DBF4B: variants seen among roughly 807,000 people sequenced by gnomAD.
DBF4B encodes the protein DBF4B-CDC7 kinase regulatory subunit.
DBF4B carries 49 observed loss-of-function variants against 53.4 expected under a neutral mutation model. The observed-to-expected ratio is 0.92, with a 90% CI of 0.73 to 1.16. The LOEUF (loss-of-function observed/expected upper bound fraction) is 1.16. DBF4B is among the 50% of genes most tolerant of loss of function. The probability of loss-of-function intolerance (pLI) is 0.00; values close to 1 mark genes in which losing one functional copy is unlikely to be tolerated. For synonymous variants in DBF4B, 257 were observed against 288.7 expected (o/e 0.89, Z 1.11); for missense variants, 692 against 775.0 (o/e 0.89, Z 1.27).
intron 2 of DBF4B, among the ~76,000 whole-genome samples, chr17:44,717,764 C>T (rs1290338808): frequency 6.6e-6 from 1 of 151,376 alleles, no homozygotes; most frequent in Admixed American, 6.6e-5. Context: ...CTTGTAATCC[C>T]AGCACTTTGG....
chr17:44,725,547 C>A (rs1192825455), intron 3 of DBF4B, among the ~76,000 whole-genome samples: 1 of 151,934 alleles, frequency 6.6e-6, no homozygotes, highest in Non-Finnish European at 1.5e-5. Flanking sequence ...ATTTTCATCA[C>A]CCCAAAAAGG....
At chr17:44,731,979 A>C (rs1010524376) in intron 5 of DBF4B, 199 bp from the exon 6 acceptor site, 1 of 569,214 alleles carries the variant, frequency 1.8e-6, no homozygotes, top group African/African-American at 1.9e-5. Flanking sequence ...TCCTCTCCCA[A>C]TGTGGCCATG....
intron 8 of DBF4B, among the ~76,000 whole-genome samples, chr17:44,737,135 G>A (rs1308146978): frequency 1.3e-5 from 2 of 152,174 alleles, no homozygotes; most frequent in Non-Finnish European, 2.9e-5. Context: ...TCCTCTGGCT[G>A]TTCCTGGGCA....
intron 7 of DBF4B, among the ~76,000 whole-genome samples, chr17:44,735,018 CT>C (rs1398363158): frequency 6.6e-6 from 1 of 151,998 alleles, no homozygotes; most frequent in Non-Finnish European, 1.5e-5. Context: ...GCAGGAGAAT[CT>C]TGAACCCAGG....
Position 44,741,423 on chromosome 17 carries a change from G to A in DBF4B, c.801G>A (p.Pro267=), listed in dbSNP as rs143085789. 524 of 1,612,774 alleles carry A rather than the reference G, an allele frequency of 3.2e-4. No homozygotes were observed. The highest frequency in any genetic ancestry group is 1.3e-3 in the Middle Eastern group (8 of 6,056). Residue 267 remains proline, a synonymous_variant, in exon 10 of 14, where the codon CCG becomes CCA. Transcript: ENST00000315005. ...GPKDASPFEA[P]TTLGSMHHTR... ...AAGATGCAAGTCCCTTTGAGGCCCC[G>A]ACGACCCTGGGCAGCATGCACCATA...
At chr17:44,725,417 CTTAA>C (rs1974223168) in intron 3 of DBF4B, among the ~76,000 whole-genome samples, 1 of 152,116 alleles carries the variant, frequency 6.6e-6, no homozygotes, top group African/African-American at 2.4e-5. Flanking sequence ...CTCATAATGG[CTTAA>C]TTTAGATATA....
chr17:44,738,504 C>T, intron 9 of DBF4B, 80 bp downstream of exon 9: 2 of 1,446,168 alleles, frequency 1.4e-6, no homozygotes, highest in Admixed American at 2.0e-5. Flanking sequence ...TCAGGGGCCT[C>T]AAGCTAATGT....
chr17:44,728,772 G>A (rs149972833), intron 3 of DBF4B, among the ~76,000 whole-genome samples: 8 of 149,112 alleles, frequency 5.4e-5, no homozygotes, highest in Admixed American at 4.7e-4. Context: ...AGCTGAGATC[G>A]CATGACTGCA....
rs546060548 is a variant in DBF4B at position 44,733,988 on chromosome 17, G to A, written c.557-102G>A. 7.5e-5 allele frequency: 70 copies of A among 931,830 alleles called. 1 individual carries two copies. The South Asian group carries it at 8.5e-4, about 11-fold the overall frequency. The allele number at this position is 931,830 out of a possible 1,614,324, so 57.7% of individuals were successfully genotyped here. ...TGGCAGGCAAGGCTGGAGTGATTCAGTGGGCTGGCCCAGCGAGTTTAGTCC... is the reference window on the plus strand; with the variant it reads ...TGGCAGGCAAGGCTGGAGTGATTCAATGGGCTGGCCCAGCGAGTTTAGTCC... On this transcript the variant is annotated intron_variant, in intron 6 of 13. Coordinates refer to ENST00000315005, the MANE Select transcript of DBF4B (RefSeq NM_145663.3).
intron 9 of DBF4B, among the ~76,000 whole-genome samples, 177 bp from the exon 10 acceptor site, chr17:44,741,155 CAGGG>C (rs1272959829): frequency 6.6e-6 from 1 of 151,728 alleles, no homozygotes; most frequent in Non-Finnish European, 1.5e-5. Context: ...GAAAAGTAGA[CAGGG>C]AGAACATATG....
Position 44,749,216 on chromosome 17 carries a change from C to A in DBF4B, c.1189+751C>A. 1 of 1,290,302 alleles carries A rather than the reference C, an allele frequency of 7.8e-7. No homozygotes were observed. Among genetic ancestry groups the A allele is most frequent in the South Asian group, 1.2e-5 (1 of 81,556 alleles). The allele number at this position is 1,290,302 out of a possible 1,614,324, so 79.9% of individuals were successfully genotyped here. A position where few individuals can be genotyped will look rare whatever the true frequency, so the allele number is the denominator to read the frequency against. On this transcript the variant is annotated intron_variant, in intron 13 of 13. Coordinates refer to ENST00000315005, the MANE Select transcript of DBF4B (RefSeq NM_145663.3). The surrounding 1 kb of genome is among the most constrained non-coding windows in gnomAD (Gnocchi z 4.4). ...AGCTGTTCCCGATGCCTCTGGGCCC[C>A]CCAGCCTCTCCAGGTGCCCTGTCTC...
Position 44,708,849 on chromosome 17 carries a change from C to T in DBF4B, c.19+10C>T. 6.4e-7 allele frequency: 1 copy of T among 1,550,530 alleles called. No individual in the cohort carries two copies. The highest frequency in any genetic ancestry group is 8.7e-7 in the Non-Finnish European group (1 of 1,146,542). On this transcript the variant is annotated intron_variant, in intron 1 of 13. Transcript: ENST00000315005. ...AGCGAACCGGGAAAGGGTACGGATGCCGGGAAGGGGAGAAAGAAAGGCGGA... is the reference window on the plus strand; with the variant it reads ...AGCGAACCGGGAAAGGGTACGGATGTCGGGAAGGGGAGAAAGAAAGGCGGA...
intron 3 of DBF4B, among the ~76,000 whole-genome samples, chr17:44,725,116 C>CAAAAAAA (rs57821218): frequency 6.3e-5 from 3 of 47,572 alleles, no homozygotes; most frequent in East Asian, 5.7e-4. Flanking sequence ...GACTCCATCT[C>CAAAAAAA]AAAAAAAAAA....
chr17:44,712,826 C>T lies in DBF4B; in HGVS notation c.82+3460C>T, dbSNP rs148293395. On this transcript the variant is annotated intron_variant, in intron 2 of 13. Coordinates refer to ENST00000315005, the MANE Select transcript of DBF4B (RefSeq NM_145663.3). ...TTGGGCTCAAGTGATCTGCCCACCT[C>T]GGCCTCCCAAAGTGATGGAATTACA... 4.5e-3 allele frequency among the ~76,000 whole-genome samples: 681 copies of T among 151,864 alleles called. 3 individuals carry two copies. The highest frequency in any genetic ancestry group is 0.016 in the African/African-American group (646 of 41,408).
At position 44,739,188 on chromosome 17, in the gene DBF4B, G is replaced by C. The variant is rs552403900; in HGVS notation, c.713+764G>C. Among the ~76,000 whole-genome samples the C allele has an allele frequency of 4.6e-5, 7 of 152,282 alleles. No individual in the cohort carries two copies. The South Asian group carries it at 1.5e-3, about 32-fold the overall frequency. ...CTAATGAGCTATTAGCAGCCATGTT[G>C]GTTATCACTGAATCTTCAGTAAGTA... On this transcript the variant is annotated intron_variant, in intron 9 of 13. Transcript: ENST00000315005.
Position 44,751,703 on chromosome 17 carries a change from C to A in DBF4B, c.*450C>A, listed in dbSNP as rs933679634. On this transcript the variant is annotated 3_prime_UTR_variant, in exon 14 of 14. Coordinates refer to ENST00000315005, the MANE Select transcript of DBF4B (RefSeq NM_145663.3). ...TCCTGCGGTCTATACCTACCGCCTC[C>A]TCTTCACCTCCTTCCCTTCCACACT... is the stretch of plus-strand genomic sequence containing the variant. The A allele has an allele frequency of 7.0e-7, 1 of 1,432,500 alleles. No individual in the cohort carries two copies. The highest frequency in any genetic ancestry group is 9.1e-7 in the Non-Finnish European group (1 of 1,095,856). The allele number at this position is 1,432,500 out of a possible 1,614,324, so 88.7% of individuals were successfully genotyped here.
intron 12 of DBF4B, 138 bp from the exon 13 acceptor site, chr17:44,748,203 T>C: frequency 8.3e-7 from 1 of 1,202,976 alleles, no homozygotes; most frequent in Non-Finnish European, 1.2e-6. Context: ...CAGGAGGACT[T>C]TCACACAGGG....
Position 44,750,596 on chromosome 17 carries a change from G to T in DBF4B, c.1191G>T (p.Val397=). The part of the protein sequence containing the change: ...IRKEDSCQAS[V]TQGRAAGQQR... ...GTCGGTCCTTGATCTGCCCTCCAGT[G>T]ACCCAAGGCAGGGCTGCGGGCCAGC... The change falls in exon 14 of 14, where the codon GTG becomes GTT. Residue 397 remains valine, a splice_region_variant and synonymous_variant. Transcript: ENST00000315005. 6.2e-7 allele frequency: 1 copy of T among 1,607,216 alleles called. No individual in the cohort carries two copies. The highest frequency in any genetic ancestry group is 1.1e-5 in the South Asian group (1 of 90,600).
Position 44,751,593 on chromosome 17 carries a change from G to A in DBF4B, c.*340G>A. ...TTTCCCCTCTGCCCCAAAATGCCATGCTCCTCTCCTGGAAAACACTTGAGT... is the reference window on the plus strand; with the variant it reads ...TTTCCCCTCTGCCCCAAAATGCCATACTCCTCTCCTGGAAAACACTTGAGT... On this transcript the variant is annotated 3_prime_UTR_variant, in exon 14 of 14. Transcript: ENST00000315005. 8.9e-6 allele frequency: 12 copies of A among 1,345,802 alleles called. No homozygotes were observed. The highest frequency in any genetic ancestry group is 1.1e-5 in the Non-Finnish European group (12 of 1,049,446). The allele number at this position is 1,345,802 out of a possible 1,614,324, so 83.4% of individuals were successfully genotyped here. A position where few individuals can be genotyped will look rare whatever the true frequency, so the allele number is the denominator to read the frequency against.
Sources: gnomAD v4.1 joint callset for allele counts (sites outside exome capture counted in the v4.1 genomes callset) on GRCh38, gnomAD v4.1.1 for gene constraint, Gnocchi (gnomAD v3.1) non-coding constraint, MANE v1.5 for transcripts, NCBI Gene and HGNC (gene_info 2026-07-23, HGNC 2026-07-21) for gene names.